Variants in MRPS18A observed in about 807,000 individuals in gnomAD.
MRPS18A encodes the protein large ribosomal subunit protein mL66.
MRPS18A carries 20 observed loss-of-function variants against 22.7 expected under a neutral mutation model. The observed-to-expected ratio is 0.88, with a 90% CI of 0.62 to 1.28. The LOEUF (loss-of-function observed/expected upper bound fraction) is 1.28, where lower values mean the gene tolerates loss of function less well. Among genes scored for constraint, MRPS18A ranks in the 50% most tolerant of loss-of-function variants. The probability of loss-of-function intolerance (pLI) is 0.00; values close to 1 mark genes in which losing one functional copy is unlikely to be tolerated. For synonymous variants in MRPS18A, 106 were observed against 99.1 expected (o/e 1.07, Z -0.41); for missense variants, 294 against 262.6 (o/e 1.12, Z -0.83).
chr6:43,673,720 C>A lies in MRPS18A; in HGVS notation c.446+1482G>T, dbSNP rs1349439066. On this transcript the variant is annotated intron_variant, in intron 5 of 5. Transcript: ENST00000372133. The surrounding 1 kb of genome is among the most constrained non-coding windows in gnomAD (Gnocchi z 4.2). Reference sequence around the variant, plus strand: ...CGACACAGCAGCAGACAAAGCATGGCTCCGCCAGGCCCCAGCGGAGCCTGG... The same window carrying A: ...CGACACAGCAGCAGACAAAGCATGGATCCGCCAGGCCCCAGCGGAGCCTGG... 6.6e-6 allele frequency among the ~76,000 whole-genome samples: 1 copy of A among 152,226 alleles called. No homozygotes were observed.
chr6:43,674,752 T>A (rs1773955250), intron 5 of MRPS18A, among the ~76,000 whole-genome samples: 1 of 152,230 alleles, frequency 6.6e-6, no homozygotes, highest in Non-Finnish European at 1.5e-5. Flanking sequence ...GGAGCACTAT[T>A]TGTGACCTAG....
At chr6:43,677,297 C>A (rs1417576103) in intron 3 of MRPS18A, among the ~76,000 whole-genome samples, 1 of 152,118 alleles carries the variant, frequency 6.6e-6, no homozygotes, top group Non-Finnish European at 1.5e-5. Context: ...CAGAAAGAAC[C>A]CCCCCAACCC....
intron 5 of MRPS18A, 198 bp from the exon 6 acceptor site, chr6:43,672,104 G>A (rs979485734): frequency 2.9e-5 from 19 of 660,978 alleles, no homozygotes; most frequent in Non-Finnish European, 4.8e-5. Flanking sequence ...GGCTCTTGCT[G>A]CCGCAAGCCT....
chr6:43,675,085 G>T, intron 5 of MRPS18A, 117 bp downstream of exon 5: 1 of 879,146 alleles, frequency 1.1e-6, no homozygotes, highest in South Asian at 2.1e-5. Context: ...ACTGCAGCAG[G>T]GGTGGACTGA....
intron 2 of MRPS18A, among the ~76,000 whole-genome samples, chr6:43,679,333 C>T (rs1291230987): frequency 6.6e-6 from 1 of 152,190 alleles, no homozygotes; most frequent in Non-Finnish European, 1.5e-5. Flanking sequence ...GCTGAAAAAA[C>T]CCGGGCTGTG....
At chr6:43,687,595 C>A in intron 1 of MRPS18A, 73 bp downstream of exon 1, 3 of 1,281,236 alleles carry the variant, frequency 2.3e-6, no homozygotes, top group African/African-American at 1.5e-5. Context: ...TAGGAAGGAG[C>A]GCACCGGGGC....
At chr6:43,681,904 T>A (rs571561840) in intron 1 of MRPS18A, among the ~76,000 whole-genome samples, 103 of 152,360 alleles carry the variant, frequency 6.8e-4, no homozygotes, top group Non-Finnish European at 1.2e-3. Flanking sequence ...ATACATTTCC[T>A]ATCTTACCTA....
intron 5 of MRPS18A, among the ~76,000 whole-genome samples, chr6:43,674,712 C>T (rs1582407427): frequency 6.6e-6 from 1 of 152,194 alleles, no homozygotes; most frequent in South Asian, 2.1e-4. Context: ...TGCCACATGG[C>T]GCTGTGTAGG....
chr6:43,674,956 G>C (rs1554150400), intron 5 of MRPS18A, among the ~76,000 whole-genome samples: 1 of 152,132 alleles, frequency 6.6e-6, no homozygotes, highest in Non-Finnish European at 1.5e-5. Flanking sequence ...CATAGATGGG[G>C]GATTAGCACA....
At chr6:43,684,443 C>T (rs1361327749) in intron 1 of MRPS18A, among the ~76,000 whole-genome samples, 2 of 152,132 alleles carry the variant, frequency 1.3e-5, no homozygotes, top group Admixed American at 6.6e-5. Flanking sequence ...TTTGCAAACA[C>T]CTTCCTGCCT....
chr6:43,671,414 C>A lies in MRPS18A; in HGVS notation c.*348G>T, dbSNP rs1773689188. On this transcript the variant is annotated 3_prime_UTR_variant, in exon 6 of 6. Coordinates refer to ENST00000372133, the MANE Select transcript of MRPS18A (RefSeq NM_018135.4). ...CACCCAGCTGGCAATGTGCCCAGGA[C>A]CCCCTGCACTTCCCAAGCAGTGAGC... 2 of 410,854 alleles carry A rather than the reference C, an allele frequency of 4.9e-6. No homozygotes were observed. The highest frequency in any genetic ancestry group is 5.1e-5 in the East Asian group (1 of 19,460). 25.5% of individuals were successfully genotyped at this position (410,854 alleles called of 1,614,324 possible). A position where few individuals can be genotyped will look rare whatever the true frequency, so the allele number is the denominator to read the frequency against.
At chr6:43,687,194 C>T (rs976370962) in intron 1 of MRPS18A, among the ~76,000 whole-genome samples, 1 of 152,190 alleles carries the variant, frequency 6.6e-6, no homozygotes, top group African/African-American at 2.4e-5. Context: ...TGGCCTCCCC[C>T]TCACAGGGAG....
chr6:43,671,591 G>A lies in MRPS18A; in HGVS notation c.*171C>T. ...CTCTAGCTCCCAGCATTGCTACTGTGCAGGCCAAGGGTACTGAAGTTAGTC... is the reference window on the plus strand; with the variant it reads ...CTCTAGCTCCCAGCATTGCTACTGTACAGGCCAAGGGTACTGAAGTTAGTC... On this transcript the variant is annotated 3_prime_UTR_variant, in exon 6 of 6. Coordinates refer to ENST00000372133, the MANE Select transcript of MRPS18A (RefSeq NM_018135.4). 1.4e-6 allele frequency: 1 copy of A among 729,080 alleles called. No homozygotes were observed. The highest frequency in any genetic ancestry group is 3.9e-4 in the Middle Eastern group (1 of 2,538). The allele number at this position is 729,080 out of a possible 1,614,324, so 45.2% of individuals were successfully genotyped here.
At chr6:43,686,585 C>T (rs973030624) in intron 1 of MRPS18A, among the ~76,000 whole-genome samples, 6 of 152,338 alleles carry the variant, frequency 3.9e-5, no homozygotes, top group East Asian at 3.9e-4. Flanking sequence ...TACAAAGAGA[C>T]CTCTTCTGAG....
chr6:43,680,905 C>T (rs764087573), intron 2 of MRPS18A, among the ~76,000 whole-genome samples, 184 bp downstream of exon 2: 5 of 152,238 alleles, frequency 3.3e-5, no homozygotes, highest in Non-Finnish European at 7.3e-5. Flanking sequence ...GGCACAGCAA[C>T]TGTTCCTGAT....
At chr6:43,687,138 A>G (rs771312110) in intron 1 of MRPS18A, among the ~76,000 whole-genome samples, 19 of 152,118 alleles carry the variant, frequency 1.2e-4, no homozygotes, top group Non-Finnish European at 2.6e-4. Flanking sequence ...CTGAACTACC[A>G]TCCTGCATTT....
intron 1 of MRPS18A, among the ~76,000 whole-genome samples, chr6:43,682,267 C>G (rs1774463616): frequency 6.6e-6 from 1 of 152,194 alleles, no homozygotes; most frequent in Non-Finnish European, 1.5e-5. Flanking sequence ...CCACTGCATT[C>G]CAGCCTGAGG....
chr6:43,672,318 G>A (rs770367012), intron 5 of MRPS18A: 1 of 462,546 alleles, frequency 2.2e-6, no homozygotes, highest in South Asian at 1.6e-5. Context: ...GGCTCACTCA[G>A]CTACCCCAAC....
intron 1 of MRPS18A, among the ~76,000 whole-genome samples, chr6:43,682,816 G>A (rs1305690773): frequency 6.6e-6 from 1 of 152,208 alleles, no homozygotes; most frequent in Non-Finnish European, 1.5e-5. Flanking sequence ...GAGAAATGAA[G>A]GGAGGTAGGA....
Sources: allele counts gnomAD v4.1 joint callset (sites outside exome capture counted in the v4.1 genomes callset), GRCh38; gene constraint gnomAD v4.1.1; non-coding constraint Gnocchi (gnomAD v3.1); transcripts MANE v1.5; gene names NCBI Gene and HGNC (gene_info 2026-07-23, HGNC 2026-07-21).